RGS6: variants seen among roughly 807,000 people sequenced by gnomAD.
The protein encoded by RGS6 is regulator of G protein signaling 6.
Under a neutral mutation model 78.5 loss-of-function variants are expected in RGS6, and 30 were observed. The ratio of observed to expected loss-of-function variants is 0.38; its 90% confidence interval spans 0.29 to 0.52. RGS6 has a LOEUF of 0.52. Ranked by LOEUF, RGS6 falls within the 20% of genes least tolerant of loss-of-function variation. RGS6 has a pLI of 0.85. For missense variants in RGS6, 495 were observed against 609.7 expected, an observed-to-expected ratio of 0.81 and a Z score of 1.98; for synonymous variants, 206 against 206.0, an observed-to-expected ratio of 1.00 and a Z score of 0.00.
At chr14:72,404,058 C>T (rs1326038316) in intron 3 of RGS6, among the ~76,000 whole-genome samples, 1 of 152,134 alleles carries the variant, frequency 6.6e-6, no homozygotes, top group Non-Finnish European at 1.5e-5. Flanking sequence ...AGAAGGTTTC[C>T]CTGACCTGGG....
At chr14:71,901,247 A>G in the RGS6 span, among the ~76,000 whole-genome samples, 3 of 152,228 alleles carry the variant, frequency 2.0e-5, no homozygotes, top group African/African-American at 7.2e-5. Context: ...GGGATTAACT[A>G]TCTATATCAA....
Position 72,325,304 on chromosome 14 carries a change from G to A in RGS6, c.85-26791G>A, listed in dbSNP as rs1402458814. On this transcript the variant is annotated intron_variant, in intron 2 of 17. Transcript: ENST00000553525. ...AACGTTTTCTCCCATTCTGTATGTT[G>A]CCTGTTCACTCTGATGGTAGTTTCT... 2.0e-5 allele frequency among the ~76,000 whole-genome samples: 3 copies of A among 152,186 alleles called. No homozygotes were observed. In the East Asian group the frequency reaches 5.8e-4, roughly 29 times the overall value.
At chr14:72,275,581 C>A (rs895836883) in intron 2 of RGS6, among the ~76,000 whole-genome samples, 1 of 152,156 alleles carries the variant, frequency 6.6e-6, no homozygotes, top group African/African-American at 2.4e-5. Context: ...GAGGCTAAAG[C>A]CTCAATTATT....
intron 1 of RGS6, among the ~76,000 whole-genome samples, chr14:71,955,719 C>A (rs1203139249): frequency 1.3e-5 from 2 of 152,094 alleles, no homozygotes; most frequent in Non-Finnish European, 2.9e-5. Flanking sequence ...CTTTAGTACA[C>A]CCTGTTTATC....
chr14:72,240,755 T>G (rs957338697), intron 2 of RGS6, among the ~76,000 whole-genome samples: 1 of 152,164 alleles, frequency 6.6e-6, no homozygotes, highest in Non-Finnish European at 1.5e-5. Context: ...TACTGAAACA[T>G]TTTCTACATG....
intron 3 of RGS6, among the ~76,000 whole-genome samples, chr14:72,414,606 G>T (rs1039181659): frequency 9.2e-5 from 14 of 152,228 alleles, no homozygotes; most frequent in African/African-American, 3.4e-4. Flanking sequence ...TGCTGGTGAG[G>T]AGCTGCATTC....
At chr14:71,981,246 CCTT>C (rs1193743298) in intron 2 of RGS6, among the ~76,000 whole-genome samples, 1 of 151,982 alleles carries the variant, frequency 6.6e-6, no homozygotes, top group African/African-American at 2.4e-5. Context: ...TCGTCTGAAG[CCTT>C]CTTCTCTCAG....
chr14:72,484,904 A>C (rs892190655), intron 12 of RGS6, among the ~76,000 whole-genome samples: 7 of 147,672 alleles, frequency 4.7e-5, no homozygotes, highest in Admixed American at 3.4e-4. Context: ...CTGACCACAG[A>C]GTGTACCCCT....
intron 2 of RGS6, among the ~76,000 whole-genome samples, chr14:72,009,300 A>C (rs1374636185): frequency 2.6e-5 from 4 of 152,138 alleles, no homozygotes; most frequent in Non-Finnish European, 5.9e-5. Context: ...TGAGCCATTA[A>C]CTGTGCCACT....
intron 3 of RGS6, among the ~76,000 whole-genome samples, chr14:72,398,337 A>G (rs528595798): frequency 2.1e-4 from 32 of 152,034 alleles, no homozygotes; most frequent in East Asian, 1.9e-3. Context: ...GTTTATTTGC[A>G]TAGAGGTGTT....
the RGS6 span, among the ~76,000 whole-genome samples, chr14:71,925,417 C>T: frequency 1.3e-5 from 2 of 152,150 alleles, no homozygotes; most frequent in Admixed American, 1.3e-4. Flanking sequence ...TGTAGTCCCA[C>T]TTGTTTATTT....
At chr14:72,588,399 A>G in the RGS6 span, among the ~76,000 whole-genome samples, 67,915 of 151,972 alleles carry the variant, frequency 0.45, 15,721 homozygotes, top group African/African-American at 0.5. Context: ...GCAGGGACTC[A>G]TTGTAAGAGT....
chr14:72,426,240 G>A (rs1393477597), intron 3 of RGS6, among the ~76,000 whole-genome samples: 1 of 152,108 alleles, frequency 6.6e-6, no homozygotes, highest in Non-Finnish European at 1.5e-5. Context: ...AGAGCAGGTG[G>A]CGTTATTCTT....
At chr14:72,131,823 G>C (rs916125138) in intron 2 of RGS6, among the ~76,000 whole-genome samples, 4 of 152,202 alleles carry the variant, frequency 2.6e-5, no homozygotes, top group Non-Finnish European at 5.9e-5. Flanking sequence ...AAGCAAATCT[G>C]TTCAATAGAT....
At chr14:72,122,057 A>G (rs2096065097) in intron 2 of RGS6, among the ~76,000 whole-genome samples, 1 of 152,296 alleles carries the variant, frequency 6.6e-6, no homozygotes, top group Non-Finnish European at 1.5e-5. Flanking sequence ...AAATGTCAGT[A>G]GTGCCAAGAT....
At chr14:72,014,047 A>G (rs146985107) in intron 2 of RGS6, among the ~76,000 whole-genome samples, 22 of 152,334 alleles carry the variant, frequency 1.4e-4, no homozygotes, top group African/African-American at 5.3e-4. Context: ...AAAAATACCT[A>G]GGTAAATCCC....
intron 2 of RGS6, among the ~76,000 whole-genome samples, chr14:72,173,101 C>T (rs1464606565): frequency 6.6e-6 from 1 of 152,136 alleles, no homozygotes; most frequent in Non-Finnish European, 1.5e-5. Context: ...AGGGCCACAG[C>T]CTCTTTTGCT....
At chr14:72,442,546 A>G (rs1286026607) in intron 3 of RGS6, among the ~76,000 whole-genome samples, 1 of 152,230 alleles carries the variant, frequency 6.6e-6, no homozygotes, top group African/African-American at 2.4e-5. Context: ...GCCCTGTCTT[A>G]TTCATCATTG....
chr14:72,212,689 G>A (rs1158421483), intron 2 of RGS6, among the ~76,000 whole-genome samples: 1 of 152,174 alleles, frequency 6.6e-6, no homozygotes, highest in African/African-American at 2.4e-5. Flanking sequence ...AAGATACAAG[G>A]AAATCCCCAA....
Sources: allele counts gnomAD v4.1 joint callset (sites outside exome capture counted in the v4.1 genomes callset), GRCh38; gene constraint gnomAD v4.1.1; transcripts MANE v1.5; gene names NCBI Gene and HGNC (gene_info 2026-07-23, HGNC 2026-07-21).